The following CDK19 variants were observed in gnomAD, a reference collection of about 807,000 sequenced individuals.
The protein encoded by CDK19 is cyclin dependent kinase 19, also known as cyclin-dependent kinase 19.
A neutral mutation model predicts 68.3 loss-of-function variants in CDK19; 20 were observed. That is an observed-to-expected ratio of 0.29 (90% CI 0.21 to 0.43). The LOEUF is 0.43. CDK19 is among the 20% of genes least tolerant of loss of function. CDK19 has a pLI of 1.00. For missense variants in CDK19, 339 were observed against 623.5 expected, an observed-to-expected ratio of 0.54 and a Z score of 4.86; for synonymous variants, 221 against 222.8, an observed-to-expected ratio of 0.99 and a Z score of 0.07.
intron 2 of CDK19, among the ~76,000 whole-genome samples, chr6:110,722,053 A>AT (rs1775938925): frequency 1.3e-5 from 2 of 151,984 alleles, no homozygotes; most frequent in Non-Finnish European, 2.9e-5. Context: ...TATGTGTAGG[A>AT]TTTTTTTAGA....
At chr6:110,700,788 G>T in intron 2 of CDK19, 1 of 198,134 alleles carries the variant, frequency 5.0e-6, no homozygotes, top group African/African-American at 2.3e-5. Flanking sequence ...TTCCAGATGA[G>T]AATCCAAAAG....
chr6:110,777,040 C>T (rs1296816263), intron 1 of CDK19, among the ~76,000 whole-genome samples: 1 of 152,178 alleles, frequency 6.6e-6, no homozygotes, highest in East Asian at 1.9e-4. Context: ...TCTTCGTCAC[C>T]ACATCATCCA....
At chr6:110,671,720 A>G (rs1358886395) in intron 2 of CDK19, among the ~76,000 whole-genome samples, 2 of 152,230 alleles carry the variant, frequency 1.3e-5, no homozygotes, top group Non-Finnish European at 2.9e-5. Context: ...AGGAAGACAG[A>G]CATATAAATA....
chr6:110,642,329 A>G (rs1486213493), intron 4 of CDK19, among the ~76,000 whole-genome samples: 4 of 140,616 alleles, frequency 2.8e-5, no homozygotes, highest in Non-Finnish European at 6.2e-5. Context: ...AAAAAAAAAA[A>G]GGGTTCAAGA....
At chr6:110,723,373 G>A (rs1312721473) in intron 2 of CDK19, among the ~76,000 whole-genome samples, 1 of 152,074 alleles carries the variant, frequency 6.6e-6, no homozygotes, top group Non-Finnish European at 1.5e-5. Flanking sequence ...ACATGGCTGA[G>A]AAAAATCTAT....
intron 4 of CDK19, among the ~76,000 whole-genome samples, chr6:110,642,448 G>C (rs188501152): frequency 6.6e-6 from 1 of 151,920 alleles, no homozygotes; most frequent in South Asian, 2.1e-4. Context: ...AGAAGCAGCA[G>C]AAAACAAAAA....
At chr6:110,812,874 G>T (rs1490506022) in intron 1 of CDK19, among the ~76,000 whole-genome samples, 1 of 149,980 alleles carries the variant, frequency 6.7e-6, no homozygotes, top group Non-Finnish European at 1.5e-5. Context: ...CTTTCAAATT[G>T]CTGGTATCAA....
intron 3 of CDK19, 26 bp from the exon 4 acceptor site, chr6:110,667,600 A>G (rs773491456): frequency 7.6e-5 from 97 of 1,283,408 alleles, no homozygotes; most frequent in Non-Finnish European, 9.8e-5. Context: ...AAACATAATA[A>G]TATAGTCTTT....
Position 110,645,118 on chromosome 6 carries a change from C to G in CDK19, c.457-6412G>C, listed in dbSNP as rs539034111. Among the ~76,000 whole-genome samples, 13 of 152,196 alleles carry G rather than the reference C, an allele frequency of 8.5e-5. No individual in the cohort carries two copies. In the South Asian group the frequency reaches 1.2e-3, roughly 15 times the overall value. On this transcript the variant is annotated intron_variant, in intron 4 of 12. Coordinates refer to ENST00000368911, the MANE Select transcript of CDK19 (RefSeq NM_015076.5). ...CAATTAACTAGGATGATCTAGAGAG[C>G]ATATACACAACTTTCTATCCAGTAA... is the stretch of plus-strand genomic sequence containing the variant.
chr6:110,736,417 A>G (rs988609485), intron 2 of CDK19, among the ~76,000 whole-genome samples: 7 of 152,218 alleles, frequency 4.6e-5, no homozygotes, highest in African/African-American at 1.7e-4. Flanking sequence ...GTAACTTGCC[A>G]AAGATGTACA....
intron 1 of CDK19, among the ~76,000 whole-genome samples, chr6:110,789,224 T>G (rs553399660): frequency 6.6e-6 from 1 of 152,328 alleles, no homozygotes; most frequent in South Asian, 2.1e-4. Flanking sequence ...TTCTCTGGAC[T>G]GCAAATGGCA....
chr6:110,728,144 C>T (rs1048879967), intron 2 of CDK19, among the ~76,000 whole-genome samples: 1 of 151,808 alleles, frequency 6.6e-6, no homozygotes, highest in Non-Finnish European at 1.5e-5. Flanking sequence ...AAAAATTAGC[C>T]GGGCATGGTG....
chr6:110,711,874 A>G (rs1028067562), intron 2 of CDK19, among the ~76,000 whole-genome samples: 1 of 152,238 alleles, frequency 6.6e-6, no homozygotes, highest in Admixed American at 6.5e-5. Context: ...AGGCTGAGGC[A>G]GGAGAATTGC....
intron 2 of CDK19, among the ~76,000 whole-genome samples, chr6:110,719,026 T>C (rs1435268903): frequency 2.0e-5 from 3 of 152,200 alleles, no homozygotes; most frequent in Non-Finnish European, 4.4e-5. Flanking sequence ...GTCAAATATG[T>C]ATGTAAAAAT....
chr6:110,651,216 T>G (rs1438921155), intron 4 of CDK19, among the ~76,000 whole-genome samples: 3 of 142,566 alleles, frequency 2.1e-5, no homozygotes, highest in African/African-American at 8.1e-5. Flanking sequence ...AATTTTTAAA[T>G]AGTTGAAATA....
Position 110,611,340 on chromosome 6 carries a change from C to A in CDK19, c.*3195G>T, listed in dbSNP as rs1778012799. ...TGTTCCCATAGGCTGAGGGATGCCC[C>A]TCCTGTACCCTTGGGGGACATAACA... On this transcript the variant is annotated 3_prime_UTR_variant, in exon 13 of 13. Transcript: ENST00000368911. The A allele has an allele frequency of 6.6e-6, 1 of 152,238 alleles. No individual in the cohort carries two copies. The highest frequency in any genetic ancestry group is 2.4e-5 in the African/African-American group (1 of 41,464). 9.4% of individuals were successfully genotyped at this position (152,238 alleles called of 1,614,324 possible).
rs192096948 is a variant in CDK19 at position 110,798,935 on chromosome 6, G to C, written c.128+16074C>G. 4.8e-4 allele frequency among the ~76,000 whole-genome samples: 72 copies of C among 151,512 alleles called. 1 individual carries two copies. The Middle Eastern group carries it at 0.01, about 22-fold the overall frequency. Reference sequence around the variant, plus strand: ...AGGCAGGCAGATCACCTGAGCCCAAGAGTTCAAGACCAGCCTGGGCAGCAT... The same window carrying C: ...AGGCAGGCAGATCACCTGAGCCCAACAGTTCAAGACCAGCCTGGGCAGCAT... On this transcript the variant is annotated intron_variant, in intron 1 of 12. Transcript: ENST00000368911.
At chr6:110,623,498 T>C (rs1778843971) in intron 8 of CDK19, 136 bp from the exon 9 acceptor site, 2 of 1,170,890 alleles carry the variant, frequency 1.7e-6, no homozygotes, top group East Asian at 5.1e-5. Context: ...AAGAAACACA[T>C]TACCAAATAT....
chr6:110,739,713 C>G (rs955103347), intron 2 of CDK19, among the ~76,000 whole-genome samples: 80 of 151,808 alleles, frequency 5.3e-4, no homozygotes, highest in African/African-American at 1.9e-3. Flanking sequence ...TCACTGTAAC[C>G]TCTAACTCCT....
Sources: gnomAD v4.1 joint callset for allele counts (sites outside exome capture counted in the v4.1 genomes callset) on GRCh38, gnomAD v4.1.1 for gene constraint, MANE v1.5 for transcripts, NCBI Gene and HGNC (gene_info 2026-07-23, HGNC 2026-07-21) for gene names.